The following RASA3 variants were observed in gnomAD, a reference collection of about 807,000 sequenced individuals.
RASA3 encodes ras GTPase-activating protein 3.
A neutral mutation model predicts 110.0 loss-of-function variants in RASA3; 73 were observed. The ratio of observed to expected loss-of-function variants is 0.66; its 90% CI spans 0.55 to 0.81. The LOEUF is 0.81. RASA3 is among the 30% of genes least tolerant of loss of function. RASA3 has a pLI of 0.00. For missense variants in RASA3, 976 were observed against 1,113.2 expected (o/e 0.88, Z 1.75); for synonymous variants, 500 against 451.4 (o/e 1.11, Z -1.37).
Position 114,007,540 on chromosome 13 carries a change from T to G in RASA3, c.1735A>C (p.Lys579Gln). 6.2e-7 allele frequency: 1 copy of G among 1,612,774 alleles called. No individual in the cohort carries two copies. Among genetic ancestry groups the G allele is most frequent in the Middle Eastern group, 1.7e-4 (1 of 6,060 alleles). The change falls in exon 18 of 24, where the codon AAA (lysine) becomes CAA (glutamine). Residue 579 changes from lysine to glutamine, a missense_variant. Around this residue, in one of 4 missense-constraint regions of RASA3, gnomAD observed 732 missense variants for 779.7 expected, o/e 0.94. Coordinates refer to ENST00000334062, the MANE Select transcript of RASA3 (RefSeq NM_007368.4). ...CCACCTTACCCTCCTTACCCTTCTT[T>G]AAGCACGATGGGCTGCTCAACACTC... The part of the protein sequence containing the change: ...PKSVEQPIVL[K>Q]EGFMIKRAQG...
At chr13:114,077,457 G>A (rs1056617635) in intron 1 of RASA3, among the ~76,000 whole-genome samples, 8 of 135,128 alleles carry the variant, frequency 5.9e-5, no homozygotes, top group South Asian at 2.3e-4. Context: ...CCAACACACC[G>A]GATTCATCCC....
chr13:114,081,511 TC>T (rs1169231284), intron 1 of RASA3, among the ~76,000 whole-genome samples: 1 of 152,142 alleles, frequency 6.6e-6, no homozygotes, highest in East Asian at 1.9e-4. Context: ...GGAAAATACT[TC>T]AAGTCCTGAG....
chr13:114,039,727 C>T (rs553801225), intron 4 of RASA3, among the ~76,000 whole-genome samples: 126 of 152,326 alleles, frequency 8.3e-4, no homozygotes, highest in Non-Finnish European at 1.5e-3. Context: ...CAGCTGTTGC[C>T]GGGCAGCTGG....
intron 22 of RASA3, 117 bp from the exon 23 acceptor site, chr13:113,981,975 T>G: frequency 2.2e-6 from 2 of 917,738 alleles, no homozygotes; most frequent in Non-Finnish European, 1.6e-6. Context: ...CGCAAGCTCC[T>G]CCAGAAAGGG....
At chr13:114,045,150 G>A (rs576676875) in intron 3 of RASA3, among the ~76,000 whole-genome samples, 89 of 152,314 alleles carry the variant, frequency 5.8e-4, no homozygotes, top group Non-Finnish European at 4.0e-4. Flanking sequence ...TGAAGCATGC[G>A]TGTTCGTATC....
rs1230987192 is a variant in RASA3 at position 113,978,468 on chromosome 13, T to C, written c.*879A>G. 1.3e-5 allele frequency: 2 copies of C among 152,214 alleles called. No individual in the cohort carries two copies. The highest frequency in any genetic ancestry group is 1.9e-4 in the East Asian group (1 of 5,202). 9.4% of individuals were successfully genotyped at this position (152,214 alleles called of 1,614,324 possible). A position where few individuals can be genotyped will look rare whatever the true frequency, so the allele number is the denominator to read the frequency against. The stretch of plus-strand genomic sequence containing the variant: ...TTTGTATCAAAGAGCTAATTAAAAA[T>C]GGTCCTTCAAAAACATAAAGAAAAA... On this transcript the variant is annotated 3_prime_UTR_variant, in exon 24 of 24. Coordinates refer to ENST00000334062, the MANE Select transcript of RASA3 (RefSeq NM_007368.4).
chr13:114,004,800 T>A (rs2053478407), intron 18 of RASA3, among the ~76,000 whole-genome samples: 1 of 152,050 alleles, frequency 6.6e-6, no homozygotes, highest in Non-Finnish European at 1.5e-5. Flanking sequence ...GGAAGAGCAA[T>A]TACCAAAAAG....
At chr13:114,026,395 CGCCT>C (rs1417786386) in intron 7 of RASA3, among the ~76,000 whole-genome samples, 1 of 152,348 alleles carries the variant, frequency 6.6e-6, no homozygotes, top group African/African-American at 2.4e-5. Flanking sequence ...CCATCTTCTC[CGCCT>C]GTCTATAAGT....
chr13:114,053,063 T>C (rs1321169548), intron 2 of RASA3, among the ~76,000 whole-genome samples: 13 of 145,954 alleles, frequency 8.9e-5, no homozygotes, highest in African/African-American at 2.8e-4. Context: ...AGACCCCCAC[T>C]GCTGACTGTG....
intron 1 of RASA3, among the ~76,000 whole-genome samples, chr13:114,076,191 C>T (rs2079679038): frequency 6.6e-6 from 1 of 152,234 alleles, no homozygotes; most frequent in South Asian, 2.1e-4. Flanking sequence ...CTCGAAGGCT[C>T]CTCCGGCTCT....
chr13:114,055,080 TTGTG>T (rs1054782586), intron 2 of RASA3, among the ~76,000 whole-genome samples: 3 of 151,180 alleles, frequency 2.0e-5, no homozygotes, highest in Non-Finnish European at 3.0e-5. Flanking sequence ...AGGCACGTGT[TTGTG>T]TGTGCATGTG....
At chr13:114,101,076 G>A (rs953814998) in intron 1 of RASA3, among the ~76,000 whole-genome samples, 5 of 152,164 alleles carry the variant, frequency 3.3e-5, no homozygotes, top group Non-Finnish European at 7.4e-5. Flanking sequence ...AGGGACAGGG[G>A]CTCCCCACAC....
At chr13:114,077,692 C>T (rs560390070) in intron 1 of RASA3, 4 of 403,502 alleles carry the variant, frequency 9.9e-6, no homozygotes, top group East Asian at 1.7e-4. Context: ...CCAGTTCCCC[C>T]GCACTGGCAC....
intron 18 of RASA3, among the ~76,000 whole-genome samples, chr13:114,001,322 G>A (rs1000851773): frequency 3.4e-5 from 5 of 148,670 alleles, no homozygotes; most frequent in African/African-American, 9.9e-5. Context: ...CTGCGGCCGC[G>A]GACCTGGGAT....
intron 2 of RASA3, among the ~76,000 whole-genome samples, chr13:114,068,603 G>A (rs1028092984): frequency 3.3e-5 from 5 of 152,192 alleles, no homozygotes; most frequent in African/African-American, 9.7e-5. Flanking sequence ...TTTTAGGGTC[G>A]TGGGTGCCGG....
chr13:114,119,902 C>CT (rs1566587632), intron 1 of RASA3, among the ~76,000 whole-genome samples: 12 of 48,700 alleles, frequency 2.5e-4, no homozygotes, highest in East Asian at 5.9e-4. Context: ...GATCAGGGCC[C>CT]CCCTCCCCTC....
In RASA3 at chr13:114,057,499, C is replaced by A. The variant is rs1172813255; in HGVS notation, c.174-5344G>T. On this transcript the variant is annotated intron_variant, in intron 2 of 23. Transcript: ENST00000334062. This position sits in a 1 kb window ranked among gnomAD's most constrained non-coding sequence, Gnocchi z 5.0. ...TCTGTGCCAGAATAGAGGGTTCGTTCAGCTTCTTAGACCGATGATTTATTT... is the reference window on the plus strand; with the variant it reads ...TCTGTGCCAGAATAGAGGGTTCGTTAAGCTTCTTAGACCGATGATTTATTT... 4 of 985,400 alleles carry A rather than the reference C, an allele frequency of 4.1e-6. No individual in the cohort carries two copies. In the Admixed American group the frequency reaches 2.5e-4, roughly 61 times the overall value. The allele number at this position is 985,400 out of a possible 1,614,324, so 61.0% of individuals were successfully genotyped here. A position where few individuals can be genotyped will look rare whatever the true frequency, so the allele number is the denominator to read the frequency against.
At chr13:114,035,569 C>T (rs9525343) in intron 4 of RASA3, 11,281 of 152,408 alleles carry the variant, frequency 0.074, 576 homozygotes, top group Non-Finnish European at 0.11. Context: ...CTCAGGAAGG[C>T]CTTCCCCAGG....
rs901219985 is a variant in RASA3, at chr13:114,055,181, T to C, written c.174-3026A>G. ...AGGCACGTGTGCATGGGTGTGTGCA[T>C]GCATGTGCCATGCATGTGCCCATAC... On this transcript the variant is annotated intron_variant, in intron 2 of 23. Transcript: ENST00000334062. 1.0e-3 allele frequency among the ~76,000 whole-genome samples: 153 copies of C among 152,272 alleles called. 2 individuals carry two copies. Among genetic ancestry groups the C allele is most frequent in the Non-Finnish European group, 1.2e-4 (8 of 67,990 alleles).
Sources: gnomAD v4.1 joint callset for allele counts (sites outside exome capture counted in the v4.1 genomes callset) on GRCh38, gnomAD v4.1.1 for gene constraint, gnomAD v4.1.1 regional missense constraint, Gnocchi (gnomAD v3.1) non-coding constraint, MANE v1.5 for transcripts, NCBI Gene and HGNC (gene_info 2026-07-23, HGNC 2026-07-21) for gene names.